The following LRRC20 variants were observed in gnomAD, a reference collection of about 807,000 sequenced individuals.
LRRC20 encodes leucine rich repeat containing 20, also known as leucine-rich repeat-containing protein 20.
LRRC20 carries 11 observed loss-of-function variants against 14.4 expected under a neutral mutation model. The ratio of observed to expected loss-of-function variants is 0.77; its 90% confidence interval spans 0.48 to 1.27. LRRC20 has a LOEUF of 1.27. Among genes scored for constraint, LRRC20 ranks in the 50% most tolerant of loss-of-function variants. LRRC20 has a pLI of 0.00. For synonymous variants in LRRC20, 121 were observed against 107.3 expected, an observed-to-expected ratio of 1.13 and a Z score of -0.79; for missense variants, 219 against 251.2, an observed-to-expected ratio of 0.87 and a Z score of 0.87.
At chr10:70,339,571 C>T (rs1842835850) in intron 3 of LRRC20, among the ~76,000 whole-genome samples, 1 of 152,168 alleles carries the variant, frequency 6.6e-6, no homozygotes, top group Non-Finnish European at 1.5e-5. Context: ...TCTCCCACTC[C>T]ACTCGTTCAC....
At chr10:70,363,039 G>C (rs1479955536) in intron 2 of LRRC20, among the ~76,000 whole-genome samples, 1 of 151,810 alleles carries the variant, frequency 6.6e-6, no homozygotes, top group Non-Finnish European at 1.5e-5. Flanking sequence ...GGGAGGCTGA[G>C]ATGGGAGGAT....
At chr10:70,318,941 G>A (rs114183873) in intron 4 of LRRC20, among the ~76,000 whole-genome samples, 2,472 of 151,824 alleles carry the variant, frequency 0.016, 58 homozygotes, top group African/African-American at 0.056. Context: ...CGAGTAGCTG[G>A]AACTACAGGT....
chr10:70,380,841 G>A (rs1472009450), intron 1 of LRRC20, among the ~76,000 whole-genome samples: 3 of 152,202 alleles, frequency 2.0e-5, no homozygotes, highest in Non-Finnish European at 4.4e-5. Flanking sequence ...GGGAGTAAAG[G>A]GGCAGAGACT....
intron 2 of LRRC20, among the ~76,000 whole-genome samples, chr10:70,355,455 A>AT (rs1843483468): frequency 6.6e-6 from 1 of 152,106 alleles, no homozygotes; most frequent in African/African-American, 2.4e-5. Context: ...CGAGGACCAC[A>AT]TACGTCCAGA....
At chr10:70,351,192 A>G (rs1409541843) in intron 2 of LRRC20, among the ~76,000 whole-genome samples, 1 of 150,580 alleles carries the variant, frequency 6.6e-6, no homozygotes, top group East Asian at 1.9e-4. Context: ...GAAAGAAAAA[A>G]AAAAAAGAGA....
intron 4 of LRRC20, among the ~76,000 whole-genome samples, chr10:70,303,144 T>C (rs970290333): frequency 2.0e-5 from 3 of 152,236 alleles, no homozygotes; most frequent in Non-Finnish European, 4.4e-5. Flanking sequence ...GTATAGTATG[T>C]GTCAATAAAA....
intron 2 of LRRC20, among the ~76,000 whole-genome samples, chr10:70,352,113 A>G (rs1243473274): frequency 1.1e-5 from 1 of 87,154 alleles, no homozygotes; most frequent in Non-Finnish European, 2.6e-5. Context: ...ATGCATGTGG[A>G]AAGACATGCT....
At chr10:70,381,713 G>C (rs1589138164) in intron 1 of LRRC20, 1 of 152,388 alleles carries the variant, frequency 6.6e-6, no homozygotes. Flanking sequence ...CCGGGGAGCG[G>C]GTGGGGAGGT....
intron 4 of LRRC20, among the ~76,000 whole-genome samples, chr10:70,305,537 A>G (rs1425152148): frequency 1.3e-5 from 2 of 152,270 alleles, no homozygotes; most frequent in African/African-American, 4.8e-5. Flanking sequence ...ACCACATAGC[A>G]TGGGCCACGT....
intron 2 of LRRC20, among the ~76,000 whole-genome samples, chr10:70,374,135 C>A (rs1186952623): frequency 6.6e-6 from 1 of 152,202 alleles, no homozygotes; most frequent in Non-Finnish European, 1.5e-5. Context: ...GGTAACTGGG[C>A]AGGGCCTCTC....
intron 4 of LRRC20, among the ~76,000 whole-genome samples, chr10:70,318,118 C>G (rs1291207488): frequency 2.0e-5 from 3 of 152,216 alleles, no homozygotes; most frequent in African/African-American, 4.8e-5. Context: ...TTTCTAACAG[C>G]CTTCCGGAAT....
chr10:70,345,656 G>C (rs1370216171), intron 2 of LRRC20, among the ~76,000 whole-genome samples: 3 of 152,114 alleles, frequency 2.0e-5, no homozygotes, highest in Non-Finnish European at 4.4e-5. Flanking sequence ...AACATAATTA[G>C]TAAACAAATA....
intron 3 of LRRC20, among the ~76,000 whole-genome samples, chr10:70,334,295 C>T (rs1277410216): frequency 6.6e-6 from 1 of 152,184 alleles, no homozygotes; most frequent in Non-Finnish European, 1.5e-5. Context: ...CTCTTCTTTT[C>T]TCTTTTGTCC....
chr10:70,344,153 C>T (rs12781994), intron 2 of LRRC20, among the ~76,000 whole-genome samples: 2 of 151,772 alleles, frequency 1.3e-5, no homozygotes, highest in Non-Finnish European at 2.9e-5. Flanking sequence ...CAGTGAGCCT[C>T]TACACTTCAC....
At chr10:70,334,576 C>T (rs1357889848) in intron 3 of LRRC20, among the ~76,000 whole-genome samples, 1 of 152,142 alleles carries the variant, frequency 6.6e-6, no homozygotes, top group African/African-American at 2.4e-5. Context: ...CCGCCTAAGA[C>T]TCCTGACCAC....
intron 3 of LRRC20, among the ~76,000 whole-genome samples, chr10:70,327,445 C>G (rs949032282): frequency 6.6e-6 from 1 of 151,990 alleles, no homozygotes; most frequent in Non-Finnish European, 1.5e-5. Context: ...CAGGGTGGCA[C>G]GTGCCTGTAA....
chr10:70,369,641 T>TA (rs1844188097), intron 2 of LRRC20, among the ~76,000 whole-genome samples: 1 of 128,556 alleles, frequency 7.8e-6, no homozygotes, highest in Non-Finnish European at 1.6e-5. Context: ...AAACCATACA[T>TA]ACACACTGGA....
intron 2 of LRRC20, among the ~76,000 whole-genome samples, chr10:70,370,892 T>C (rs1322849589): frequency 6.6e-6 from 1 of 152,050 alleles, no homozygotes; most frequent in Non-Finnish European, 1.5e-5. Flanking sequence ...TAGTAGCAAG[T>C]GCCTGTAGTC....
At chr10:70,357,938 G>A (rs149994749) in intron 2 of LRRC20, among the ~76,000 whole-genome samples, 113 of 152,356 alleles carry the variant, frequency 7.4e-4, no homozygotes, top group African/African-American at 2.6e-3. Context: ...AGACCTTGGA[G>A]AGGCTTGGGC....
Sources: gnomAD v4.1 joint callset for allele counts (sites outside exome capture counted in the v4.1 genomes callset) on GRCh38, gnomAD v4.1.1 for gene constraint, MANE v1.5 for transcripts, NCBI Gene and HGNC (gene_info 2026-07-23, HGNC 2026-07-21) for gene names.